NAALAD2: variants seen among roughly 807,000 people sequenced by gnomAD.
NAALAD2 encodes the protein N-acetylated-alpha-linked acidic dipeptidase 2.
Under a neutral mutation model 95.6 loss-of-function variants are expected in NAALAD2, and 89 were observed. The ratio of observed to expected loss-of-function variants is 0.93; its 90% confidence interval spans 0.78 to 1.11. NAALAD2 has a LOEUF of 1.11. Ranked by LOEUF, NAALAD2 falls within the 50% of genes least tolerant of loss-of-function variation. The pLI, the probability that NAALAD2 is intolerant of heterozygous loss-of-function variation, is 0.00. For missense variants in NAALAD2, 894 were observed against 872.4 expected (o/e 1.02, Z -0.31); for synonymous variants, 264 against 294.4 (o/e 0.90, Z 1.06).
intron 7 of NAALAD2, chr11:90,158,582 C>T (rs1260511880): frequency 9.6e-6 from 2 of 207,350 alleles, no homozygotes; most frequent in Admixed American, 1.2e-4. Flanking sequence ...TATGACAATG[C>T]CCCCCACTTA....
rs1186252112 is a variant in NAALAD2, at chr11:90,173,827, C to T, written c.1414C>T (p.Pro472Ser). ...QLVYKLTKEI[P>S]SPDDGFESKS... Reference sequence around the variant, plus strand: ...AGTATTTGATTTCTCTTTCCAGATCCCCAGCCCTGATGATGGGTTTGAGAG... The same window carrying T: ...AGTATTTGATTTCTCTTTCCAGATCTCCAGCCCTGATGATGGGTTTGAGAG... Residue 472 changes from proline (P) to serine (S), a missense_variant, in exon 14 of 19, where the codon CCC (proline) becomes TCC (serine). Transcript: ENST00000534061. The T allele has an allele frequency of 6.2e-7, 1 of 1,611,234 alleles. No individual in the cohort carries two copies. Among genetic ancestry groups the T allele is most frequent in the Non-Finnish European group, 8.5e-7 (1 of 1,178,842 alleles).
chr11:90,153,430 A>G (rs144506006), intron 6 of NAALAD2, among the ~76,000 whole-genome samples: 572 of 152,228 alleles, frequency 3.8e-3, no homozygotes, highest in African/African-American at 0.013. Flanking sequence ...TCTATTTGCT[A>G]TGTCCTCACC....
Position 90,168,927 on chromosome 11 carries a change from A to G in NAALAD2, c.1279-2A>G. 6.2e-7 allele frequency: 1 copy of G among 1,605,080 alleles called. No individual in the cohort carries two copies. The highest frequency in any genetic ancestry group is 8.5e-7 in the Non-Finnish European group (1 of 1,175,238). ...TAAGTAACAACTTTGCTTCAACTACAGGAGAATGTCAAAATACTCCAGGAG... is the reference window on the plus strand; with the variant it reads ...TAAGTAACAACTTTGCTTCAACTACGGGAGAATGTCAAAATACTCCAGGAG... On this transcript the variant is annotated splice_acceptor_variant, in intron 11 of 18. Transcript: ENST00000534061. LOFTEE classifies it high-confidence loss of function.
At chr11:90,142,252 G>A (rs1270351238) in intron 2 of NAALAD2, among the ~76,000 whole-genome samples, 1 of 152,082 alleles carries the variant, frequency 6.6e-6, no homozygotes, top group Non-Finnish European at 1.5e-5. Context: ...CCAGAGGTAT[G>A]TTATAGTTTT....
intron 12 of NAALAD2, chr11:90,169,343 G>T: frequency 5.8e-6 from 1 of 172,974 alleles, no homozygotes; most frequent in Non-Finnish European, 1.2e-5. Flanking sequence ...TCAGAAGAAA[G>T]GTTTTGCAGA....
chr11:90,161,460 T>C (rs935922940), intron 8 of NAALAD2, among the ~76,000 whole-genome samples: 4 of 152,154 alleles, frequency 2.6e-5, no homozygotes, highest in African/African-American at 9.6e-5. Context: ...ATTGAGCATT[T>C]CCTATGCCCC....
intron 2 of NAALAD2, among the ~76,000 whole-genome samples, chr11:90,142,629 T>A (rs1749896344): frequency 6.6e-6 from 1 of 152,154 alleles, no homozygotes; most frequent in Admixed American, 6.5e-5. Flanking sequence ...ATGCCCTCTG[T>A]GGGCCGCATA....
chr11:90,181,647 T>G lies in NAALAD2; in HGVS notation c.1886T>G (p.Phe629Cys). 1 of 1,607,380 alleles carries G rather than the reference T, an allele frequency of 6.2e-7. No individual in the cohort carries two copies. Among genetic ancestry groups the G allele is most frequent in the Middle Eastern group, 1.7e-4 (1 of 5,792 alleles). Residue 629 changes from phenylalanine to cysteine, a missense_variant, in exon 17 of 19, where the codon TTC becomes TGC. Transcript: ENST00000534061. ...TCCTTATTTTCTGCTGTGAAAAACT[T>G]CTCAGAGGCTGCTTCAGATTTTCAT... ...FDSLFSAVKNFSEAASDFHKR... is the reference protein window; with the variant it reads ...FDSLFSAVKNCSEAASDFHKR...
chr11:90,181,565 G>A lies in NAALAD2; in HGVS notation c.1859-55G>A, dbSNP rs972613407. On this transcript the variant is annotated intron_variant, in intron 16 of 18. Transcript: ENST00000534061. Reference sequence around the variant, plus strand: ...AATCTGGAATGGGGAGGGTGGGAAAGCGAACCTCTGAAATATGAGCTAATT... The same window carrying A: ...AATCTGGAATGGGGAGGGTGGGAAAACGAACCTCTGAAATATGAGCTAATT... The A allele has an allele frequency of 4.9e-5, 62 of 1,264,582 alleles. No individual in the cohort carries two copies. In the Admixed American group the frequency reaches 1.0e-3, roughly 21 times the overall value. 78.3% of individuals were successfully genotyped at this position (1,264,582 alleles called of 1,614,324 possible).
rs57694347 is a variant in NAALAD2, at chr11:90,177,586, G to GTTTTTTTTTTTTTTTTTTTTTTTTT, written c.1594-253_1594-229dup. On this transcript the variant is annotated intron_variant, in intron 15 of 18. Coordinates refer to ENST00000534061, the MANE Select transcript of NAALAD2 (RefSeq NM_005467.4). ...TATGGTTGTATTTTTTCTTTTTCTTGTTTTTTTTTTTTTTTTTTTTTTTTT... is the reference window on the plus strand; with the variant it reads ...TATGGTTGTATTTTTTCTTTTTCTTGTTTTTTTTTTTTTTTTTTTTTTTTTTTTTTTTTTTTTTTTTTTTTTTTTT... 8.1e-4 allele frequency among the ~76,000 whole-genome samples: 23 copies of GTTTTTTTTTTTTTTTTTTTTTTTTT among 28,464 alleles called. 9 individuals are homozygous for GTTTTTTTTTTTTTTTTTTTTTTTTT. The highest frequency in any genetic ancestry group is 1.4e-3 in the African/African-American group (10 of 7,250). 18.7% of individuals were successfully genotyped at this position (28,464 alleles called of 152,430 possible).
intron 18 of NAALAD2, among the ~76,000 whole-genome samples, chr11:90,191,308 C>G (rs924281522): frequency 1.3e-5 from 2 of 152,066 alleles, no homozygotes; most frequent in African/African-American, 4.8e-5. Context: ...CTTAAAAGAA[C>G]CTGCTTTCTT....
At chr11:90,173,131 G>A (rs1264012344) in intron 13 of NAALAD2, among the ~76,000 whole-genome samples, 1 of 151,922 alleles carries the variant, frequency 6.6e-6, no homozygotes, top group Non-Finnish European at 1.5e-5. Flanking sequence ...AAAAGACAAG[G>A]CAAGTATAAG....
At chr11:90,135,438 A>G (rs1467206316) in intron 1 of NAALAD2, 121 bp from the exon 2 acceptor site, 4 of 510,948 alleles carry the variant, frequency 7.8e-6, no homozygotes, top group South Asian at 4.7e-5. Flanking sequence ...AAAGCTCACC[A>G]TGATCTACTT....
At position 90,149,638 on chromosome 11, in the gene NAALAD2, A is replaced by G. The variant is rs148291774; in HGVS notation, c.483+531A>G. ...TTTTTAGTGGAGACGGGGTTTCTCT[A>G]TGTTGGTCAGGCTAGTCTCGAACTC... On this transcript the variant is annotated intron_variant, in intron 4 of 18. Coordinates refer to ENST00000534061, the MANE Select transcript of NAALAD2 (RefSeq NM_005467.4). Among the ~76,000 whole-genome samples the G allele has an allele frequency of 1.4e-3, 209 of 151,834 alleles. 3 individuals carry two copies. Among genetic ancestry groups the G allele is most frequent in the Admixed American group, 0.012 (180 of 15,258 alleles).
chr11:90,135,890 G>A (rs1036492204), intron 2 of NAALAD2, among the ~76,000 whole-genome samples: 9 of 151,594 alleles, frequency 5.9e-5, no homozygotes, highest in Non-Finnish European at 1.2e-4. Context: ...GTATCTGGTT[G>A]GCTTATTGAG....
In NAALAD2 at chr11:90,147,532, G is replaced by T; in HGVS notation, c.381+16G>T. Reference sequence around the variant, plus strand: ...TGAAACTGAGGTATGTGAAATTGTTGGTACTTTTTATATTTTGCAATCCGA... The same window carrying T: ...TGAAACTGAGGTATGTGAAATTGTTTGTACTTTTTATATTTTGCAATCCGA... On this transcript the variant is annotated intron_variant, in intron 3 of 18. Coordinates refer to ENST00000534061, the MANE Select transcript of NAALAD2 (RefSeq NM_005467.4). 6.3e-7 allele frequency: 1 copy of T among 1,582,988 alleles called. No homozygotes were observed. The highest frequency in any genetic ancestry group is 8.6e-7 in the Non-Finnish European group (1 of 1,164,212).
upstream of NAALAD2, among the ~76,000 whole-genome samples, chr11:90,132,835 TTCTC>T (rs1183080855): frequency 2.6e-5 from 4 of 152,288 alleles, no homozygotes; most frequent in East Asian, 7.7e-4. Flanking sequence ...TGAAAGATGT[TTCTC>T]TCTAAAATAA....
chr11:90,138,852 C>T (rs1951525660), intron 2 of NAALAD2, among the ~76,000 whole-genome samples: 1 of 147,550 alleles, frequency 6.8e-6, no homozygotes, highest in Non-Finnish European at 1.5e-5. Context: ...TTTTCTTTAG[C>T]AGGAATTTGT....
At chr11:90,173,033 T>C (rs1206793140) in intron 13 of NAALAD2, among the ~76,000 whole-genome samples, 1 of 152,198 alleles carries the variant, frequency 6.6e-6, no homozygotes, top group African/African-American at 2.4e-5. Flanking sequence ...ATAGTCAATA[T>C]GTGTAGTAGT....
Sources: gnomAD v4.1 joint callset for allele counts (sites outside exome capture counted in the v4.1 genomes callset) on GRCh38, gnomAD v4.1.1 for gene constraint, MANE v1.5 for transcripts, NCBI Gene and HGNC (gene_info 2026-07-23, HGNC 2026-07-21) for gene names.